COG5: variants seen among roughly 807,000 people sequenced by gnomAD.
COG5 encodes conserved oligomeric Golgi complex subunit 5.
A neutral mutation model predicts 110.4 loss-of-function variants in COG5; 86 were observed. The ratio of observed to expected loss-of-function variants is 0.78; its 90% CI spans 0.65 to 0.93. The LOEUF is 0.93. Ranked by LOEUF, COG5 falls within the 40% of genes least tolerant of loss-of-function variation. The pLI is 0.00. For missense variants in COG5, 1,077 were observed against 987.0 expected (o/e 1.09, Z -1.22); for synonymous variants, 360 against 334.6 (o/e 1.08, Z -0.83).
rs1416993051 is a variant in COG5 at position 107,334,439 on chromosome 7, G to GA, written c.1027-9919dup. Among the ~76,000 whole-genome samples the GA allele has an allele frequency of 3.3e-5, 5 of 152,084 alleles. No individual in the cohort carries two copies. The South Asian group carries it at 8.3e-4, about 25-fold the overall frequency. ...ATGAATATCCAGTTACAGGAAGGTT[G>GA]AAAAAAATCAAACAGATTACAACCA... is the stretch of plus-strand genomic sequence containing the variant. On this transcript the variant is annotated intron_variant, in intron 10 of 21. Transcript: ENST00000297135.
intron 1 of COG5, among the ~76,000 whole-genome samples, chr7:107,560,984 G>T (rs1244316254): frequency 1.3e-5 from 2 of 152,102 alleles, no homozygotes; most frequent in Non-Finnish European, 2.9e-5. Context: ...GAAAGTGGGG[G>T]GTGGACAGAG....
chr7:107,513,550 A>G (rs1416593722), intron 6 of COG5, among the ~76,000 whole-genome samples: 1 of 152,228 alleles, frequency 6.6e-6, no homozygotes, highest in Non-Finnish European at 1.5e-5. Context: ...ATTACTGGGT[A>G]TATACCCAAA....
intron 8 of COG5, among the ~76,000 whole-genome samples, chr7:107,370,316 G>GT (rs1412908214): frequency 6.6e-6 from 1 of 151,922 alleles, no homozygotes; most frequent in Non-Finnish European, 1.5e-5. Flanking sequence ...TAAAAAAATT[G>GT]TAAGTATTGT....
At chr7:107,497,524 A>C (rs1261723871) in intron 6 of COG5, among the ~76,000 whole-genome samples, 1 of 152,212 alleles carries the variant, frequency 6.6e-6, no homozygotes. Context: ...AAAAGATATT[A>C]AGAAAACAAT....
intron 6 of COG5, among the ~76,000 whole-genome samples, chr7:107,511,567 C>T (rs1249851674): frequency 6.6e-6 from 1 of 152,174 alleles, no homozygotes; most frequent in Non-Finnish European, 1.5e-5. Flanking sequence ...CATCCTGATA[C>T]CAAAGCCTGG....
At chr7:107,380,363 C>A (rs1225169906) in intron 7 of COG5, among the ~76,000 whole-genome samples, 2 of 151,824 alleles carry the variant, frequency 1.3e-5, no homozygotes, top group Non-Finnish European at 2.9e-5. Context: ...AAAAAAAAAT[C>A]AATGAATACA....
chr7:107,434,622 T>TAAAAAG (rs1338709940), intron 6 of COG5, among the ~76,000 whole-genome samples: 2 of 151,720 alleles, frequency 1.3e-5, no homozygotes, highest in African/African-American at 4.8e-5. Flanking sequence ...TAAAAAAAGA[T>TAAAAAG]AAAAAGAAAA....
chr7:107,378,801 T>C (rs1814850048), intron 7 of COG5, among the ~76,000 whole-genome samples: 1 of 152,158 alleles, frequency 6.6e-6, no homozygotes, highest in Non-Finnish European at 1.5e-5. Flanking sequence ...GTTTGATTGG[T>C]GTACCTAAAA....
At chr7:107,491,709 A>G (rs1355517895) in intron 6 of COG5, among the ~76,000 whole-genome samples, 2 of 152,204 alleles carry the variant, frequency 1.3e-5, no homozygotes, top group African/African-American at 4.8e-5. Flanking sequence ...CTTTCATCCA[A>G]ATCACAAGGA....
intron 7 of COG5, among the ~76,000 whole-genome samples, chr7:107,391,492 T>A (rs1790621498): frequency 6.6e-6 from 1 of 152,184 alleles, no homozygotes; most frequent in African/African-American, 2.4e-5. Flanking sequence ...TTTGATGTAG[T>A]CCCATTTGTC....
chr7:107,373,714 C>T (rs1215330942), intron 7 of COG5, among the ~76,000 whole-genome samples: 5 of 152,046 alleles, frequency 3.3e-5, no homozygotes, highest in Non-Finnish European at 7.4e-5. Flanking sequence ...GCTAAGTTAA[C>T]GAACAAATTA....
chr7:107,300,603 G>A (rs1479007108), intron 11 of COG5, among the ~76,000 whole-genome samples: 2 of 151,998 alleles, frequency 1.3e-5, no homozygotes, highest in East Asian at 3.8e-4. Flanking sequence ...GAAATACATA[G>A]ATATATCTGA....
At chr7:107,412,478 A>AAAATT (rs764032429) in intron 7 of COG5, 24 bp downstream of exon 7, 4 of 1,600,466 alleles carry the variant, frequency 2.5e-6, no homozygotes, top group African/African-American at 2.7e-5. Context: ...TTTTTACATT[A>AAAATT]AAAAACAGTC....
intron 6 of COG5, among the ~76,000 whole-genome samples, chr7:107,513,954 C>T (rs1470332580): frequency 6.6e-6 from 1 of 151,770 alleles, no homozygotes; most frequent in Non-Finnish European, 1.5e-5. Flanking sequence ...TGCTAAATGA[C>T]GAGTTAATGG....
intron 7 of COG5, among the ~76,000 whole-genome samples, chr7:107,383,251 A>G (rs1290339860): frequency 1.3e-5 from 2 of 152,150 alleles, no homozygotes; most frequent in African/African-American, 2.4e-5. Flanking sequence ...GAGTCCATGC[A>G]ACCCCTCCGA....
At chr7:107,475,398 TGA>T in intron 6 of COG5, 2 of 979,050 alleles carry the variant, frequency 2.0e-6, no homozygotes, top group South Asian at 3.8e-5. Flanking sequence ...CACATTCAAA[TGA>T]GTTTTAAATT....
chr7:107,517,701 CTTT>C (rs1300279189), intron 6 of COG5, among the ~76,000 whole-genome samples: 2 of 142,894 alleles, frequency 1.4e-5, no homozygotes. Flanking sequence ...TTCAACATTC[CTTT>C]TTTTTTTTTT....
intron 6 of COG5, among the ~76,000 whole-genome samples, chr7:107,486,949 G>A (rs1797689814): frequency 2.0e-5 from 3 of 152,252 alleles, no homozygotes; most frequent in Middle Eastern, 6.8e-3. Context: ...TGGTTGCTAT[G>A]TGCCTAAGTT....
intron 6 of COG5, among the ~76,000 whole-genome samples, chr7:107,424,101 C>T (rs899367185): frequency 2.6e-5 from 4 of 151,688 alleles, no homozygotes; most frequent in East Asian, 3.9e-4. Flanking sequence ...CATGAAACCC[C>T]GTCTCTACTT....
Sources: allele counts gnomAD v4.1 joint callset (sites outside exome capture counted in the v4.1 genomes callset), GRCh38; gene constraint gnomAD v4.1.1; transcripts MANE v1.5; gene names NCBI Gene and HGNC (gene_info 2026-07-23, HGNC 2026-07-21).